KIAA0825: variants seen among roughly 807,000 people sequenced by gnomAD.
The protein encoded by KIAA0825 is uncharacterized protein KIAA0825.
In KIAA0825, 119 loss-of-function variants were observed where a neutral mutation model predicts 147.6. The ratio of observed to expected loss-of-function variants is 0.81; its 90% CI spans 0.69 to 0.94. The LOEUF is 0.94. KIAA0825 is among the 40% of genes least tolerant of loss of function. The pLI, the probability that KIAA0825 is intolerant of heterozygous loss-of-function variation, is 0.00. For missense variants in KIAA0825, 1,381 were observed against 1,472.7 expected (o/e 0.94, Z 1.02); for synonymous variants, 470 against 518.1 (o/e 0.91, Z 1.26).
intron 6 of KIAA0825, 113 bp from the exon 7 acceptor site, chr5:94,477,318 G>A (rs932274664): frequency 2.8e-5 from 18 of 640,598 alleles, no homozygotes; most frequent in Admixed American, 7.5e-5. Flanking sequence ...TCTATCCACA[G>A]TACATACATA....
chr5:94,450,750 C>T (rs1284163468), intron 13 of KIAA0825, among the ~76,000 whole-genome samples: 1 of 152,162 alleles, frequency 6.6e-6, no homozygotes, highest in African/African-American at 2.4e-5. Flanking sequence ...CAGAGCTAAA[C>T]ACTACATACT....
intron 20 of KIAA0825, among the ~76,000 whole-genome samples, chr5:94,253,019 A>G (rs1045223116): frequency 3.3e-5 from 5 of 152,160 alleles, no homozygotes; most frequent in African/African-American, 1.2e-4. Context: ...ACTCTGAGGA[A>G]TTAGTATCAA....
intron 7 of KIAA0825, 71 bp downstream of exon 7, chr5:94,477,040 T>A (rs1391073596): frequency 9.2e-7 from 1 of 1,092,166 alleles, no homozygotes; most frequent in Non-Finnish European, 1.3e-6. Flanking sequence ...ACATCTTGAT[T>A]CATAATGGAT....
At chr5:94,373,550 G>A (rs927207364) in intron 20 of KIAA0825, among the ~76,000 whole-genome samples, 2 of 152,140 alleles carry the variant, frequency 1.3e-5, no homozygotes, top group African/African-American at 2.4e-5. Context: ...ATGGCGGCAG[G>A]TGAGAGAATG....
intron 5 of KIAA0825, among the ~76,000 whole-genome samples, chr5:94,515,214 T>C (rs2151183011): frequency 6.6e-6 from 1 of 152,276 alleles, no homozygotes; most frequent in Admixed American, 6.5e-5. Flanking sequence ...CCAAAGGAAA[T>C]ACAATTTTAA....
At chr5:94,539,639 C>T (rs565671368) in intron 2 of KIAA0825, among the ~76,000 whole-genome samples, 7 of 152,006 alleles carry the variant, frequency 4.6e-5, no homozygotes, top group East Asian at 3.9e-4. Context: ...GTGGGGTACC[C>T]GGGTAAATAA....
chr5:94,325,657 G>A (rs1206429513), intron 20 of KIAA0825, among the ~76,000 whole-genome samples: 1 of 151,864 alleles, frequency 6.6e-6, no homozygotes, highest in Non-Finnish European at 1.5e-5. Flanking sequence ...AGTTTATACA[G>A]TTCCCTGTAA....
At chr5:94,485,636 G>C (rs567042035) in intron 5 of KIAA0825, among the ~76,000 whole-genome samples, 2 of 151,718 alleles carry the variant, frequency 1.3e-5, no homozygotes, top group Non-Finnish European at 3.0e-5. Flanking sequence ...AAGAAAGAGA[G>C]AGAGAGAGAA....
chr5:94,240,796 C>T (rs1262058163), intron 20 of KIAA0825, among the ~76,000 whole-genome samples: 1 of 152,168 alleles, frequency 6.6e-6, no homozygotes, highest in Non-Finnish European at 1.5e-5. Flanking sequence ...GCACTTAGCT[C>T]ACCGTAAGTA....
chr5:94,498,624 A>C (rs1257487553), intron 5 of KIAA0825, among the ~76,000 whole-genome samples: 4 of 152,212 alleles, frequency 2.6e-5, no homozygotes, highest in Non-Finnish European at 5.9e-5. Context: ...TCTGCATAAG[A>C]AGCAGAGATG....
At chr5:94,206,082 A>G (rs1007908892) in intron 20 of KIAA0825, among the ~76,000 whole-genome samples, 1 of 152,090 alleles carries the variant, frequency 6.6e-6, no homozygotes, top group Non-Finnish European at 1.5e-5. Context: ...TAATTTTTAC[A>G]TAGTTCTTTT....
chr5:94,509,537 C>T (rs1305517604), intron 5 of KIAA0825, among the ~76,000 whole-genome samples: 1 of 152,104 alleles, frequency 6.6e-6, no homozygotes, highest in African/African-American at 2.4e-5. Context: ...GATCACTTGT[C>T]CATAAACATA....
At chr5:94,264,732 C>T (rs758816238) in intron 20 of KIAA0825, among the ~76,000 whole-genome samples, 2 of 152,062 alleles carry the variant, frequency 1.3e-5, no homozygotes, top group African/African-American at 4.8e-5. Context: ...ATTTTGCATT[C>T]CCTTAGATCT....
chr5:94,199,012 T>C (rs1771405638), intron 20 of KIAA0825, among the ~76,000 whole-genome samples: 2 of 152,208 alleles, frequency 1.3e-5, no homozygotes, highest in Non-Finnish European at 2.9e-5. Flanking sequence ...TGAGCTTTCT[T>C]GCCATCCAGA....
At chr5:94,572,813 T>G (rs527770839) in intron 2 of KIAA0825, among the ~76,000 whole-genome samples, 1 of 152,192 alleles carries the variant, frequency 6.6e-6, no homozygotes, top group Non-Finnish European at 1.5e-5. Context: ...TTCTTTATAA[T>G]TGATTTTTGT....
chr5:94,383,787 CTGTGTGTGTGTGTGTGTG>C (rs6149118), intron 20 of KIAA0825, among the ~76,000 whole-genome samples: 1 of 145,352 alleles, frequency 6.9e-6, no homozygotes, highest in African/African-American at 2.5e-5. Flanking sequence ...TTATACTGCT[CTGTGTGTGTGTGTGTGTG>C]TGTGTGTGTG....
At chr5:94,602,332 C>G (rs902177055) in intron 1 of KIAA0825, among the ~76,000 whole-genome samples, 1 of 151,384 alleles carries the variant, frequency 6.6e-6, no homozygotes, top group African/African-American at 2.4e-5. Context: ...GCCTGGGCAA[C>G]TTAGCAAGAC....
rs1756876336 is a variant in KIAA0825 at position 94,440,017 on chromosome 5, T to C, written c.2462A>G (p.Asp821Gly). ...NLLLETLLHH[D>G]GLLLRILLKS... ...CAGCAAGATTCTCAGTAAAAGTCCA[T>C]CATGATGCAGTAGGGTTTCCAGAAG... is the stretch of plus-strand genomic sequence containing the variant. The change falls in exon 14 of 21, where the codon GAT (aspartate) becomes GGT (glycine). Residue 821 changes from aspartate to glycine, a missense_variant. Transcript: ENST00000682413. The C allele has an allele frequency of 1.3e-6, 2 of 1,551,772 alleles. No individual in the cohort carries two copies. The highest frequency in any genetic ancestry group is 1.7e-6 in the Non-Finnish European group (2 of 1,146,858).
intron 20 of KIAA0825, among the ~76,000 whole-genome samples, chr5:94,333,918 A>G (rs2150302078): frequency 6.6e-6 from 1 of 152,318 alleles, no homozygotes; most frequent in East Asian, 1.9e-4. Flanking sequence ...TTCTTCAAGG[A>G]AAACTACAAA....
Sources: gnomAD v4.1 joint callset for allele counts (sites outside exome capture counted in the v4.1 genomes callset) on GRCh38, gnomAD v4.1.1 for gene constraint, MANE v1.5 for transcripts, NCBI Gene and HGNC (gene_info 2026-07-23, HGNC 2026-07-21) for gene names.